Variants in ABAT observed in about 807,000 individuals in gnomAD.
The protein encoded by ABAT is 4-aminobutyrate aminotransferase.
A neutral mutation model predicts 64.6 loss-of-function variants in ABAT; 45 were observed. The observed-to-expected ratio is 0.70, with a 90% confidence interval of 0.55 to 0.89. ABAT has a LOEUF of 0.89. ABAT is among the 40% of genes least tolerant of loss of function. The probability of loss-of-function intolerance (pLI) is 0.00; values close to 1 mark genes in which losing one functional copy is unlikely to be tolerated. For synonymous variants in ABAT, 297 were observed against 250.5 expected, an observed-to-expected ratio of 1.19 and a Z score of -1.75; for missense variants, 633 against 658.4, an observed-to-expected ratio of 0.96 and a Z score of 0.42.
At chr16:8,694,486 G>T (rs112748634) in intron 1 of ABAT, among the ~76,000 whole-genome samples, 2 of 151,792 alleles carry the variant, frequency 1.3e-5, no homozygotes, top group Non-Finnish European at 2.9e-5. Context: ...GAGCTCCTGG[G>T]CTTAAGCAAT....
intron 2 of ABAT, among the ~76,000 whole-genome samples, chr16:8,744,977 G>A (rs904239733): frequency 6.6e-5 from 10 of 152,018 alleles, no homozygotes; most frequent in African/African-American, 2.4e-4. Flanking sequence ...CATGTAGGTT[G>A]TTTTCCCTTT....
At chr16:8,724,966 G>C (rs539004556) in intron 1 of ABAT, among the ~76,000 whole-genome samples, 1 of 150,550 alleles carries the variant, frequency 6.6e-6, no homozygotes, top group South Asian at 2.1e-4. Flanking sequence ...GCCCAGGCTG[G>C]AGTGCAGTGG....
rs2060258148 is a variant in ABAT, at chr16:8,776,158, T to C, written c.1123-186T>C. Among the ~76,000 whole-genome samples the C allele has an allele frequency of 6.6e-6, 1 of 152,102 alleles. No homozygotes were observed. Among genetic ancestry groups the C allele is most frequent in the Admixed American group, 6.5e-5 (1 of 15,272 alleles). On this transcript the variant is annotated intron_variant, in intron 13 of 15. Transcript: ENST00000268251. The surrounding 1 kb of genome is among the most constrained non-coding windows in gnomAD (Gnocchi z 4.4). ...AAGAATTCAGCAAGATTGGGTGTGT[T>C]CTCCTGCTAGCCTCTGGTAGAGAAG...
chr16:8,778,237 T>C (rs2060323564), intron 14 of ABAT, among the ~76,000 whole-genome samples: 1 of 152,202 alleles, frequency 6.6e-6, no homozygotes, highest in African/African-American at 2.4e-5. Flanking sequence ...CTGTGTGGGT[T>C]AAAACAAGAA....
Position 8,779,636 on chromosome 16 carries a change from C to T in ABAT, c.1381+46C>T, listed in dbSNP as rs1079349. On this transcript the variant is annotated intron_variant, in intron 15 of 15. Transcript: ENST00000268251. ...GCTGAGTTTCATGAGCATCCAGTAT[C>T]TCCTGCTGTAGCTGCCACATGTTGC... 642,932 of 1,497,960 alleles carry T rather than the reference C, an allele frequency of 0.43. 142,516 individuals carry two copies. The highest frequency in any genetic ancestry group is 0.6 in the African/African-American group (43,436 of 72,794). The allele number at this position is 1,497,960 out of a possible 1,614,324, so 92.8% of individuals were successfully genotyped here. A position where few individuals can be genotyped will look rare whatever the true frequency, so the allele number is the denominator to read the frequency against.
intron 1 of ABAT, among the ~76,000 whole-genome samples, chr16:8,730,633 C>G (rs940471279): frequency 1.3e-5 from 2 of 152,142 alleles, no homozygotes; most frequent in Admixed American, 6.6e-5. Flanking sequence ...GTGGGAGAAG[C>G]CTCTTGGTCT....
intron 1 of ABAT, among the ~76,000 whole-genome samples, chr16:8,717,947 C>G (rs1156531018): frequency 6.6e-6 from 1 of 151,998 alleles, no homozygotes; most frequent in African/African-American, 2.4e-5. Context: ...GGTCCCAGGT[C>G]ACCTCTTCTC....
intron 5 of ABAT, 105 bp from the exon 6 acceptor site, chr16:8,757,650 AAG>A: frequency 7.8e-7 from 1 of 1,285,806 alleles, no homozygotes; most frequent in Non-Finnish European, 1.1e-6. Flanking sequence ...TTGGTTTTTA[AAG>A]AGAGTTGGGG....
intron 1 of ABAT, among the ~76,000 whole-genome samples, chr16:8,684,332 A>C (rs1013053052): frequency 6.6e-6 from 1 of 152,100 alleles, no homozygotes; most frequent in Non-Finnish European, 1.5e-5. Context: ...CAGCGCTTTG[A>C]GAGGCCGAGG....
At chr16:8,755,314 G>A (rs2059618975) in intron 5 of ABAT, among the ~76,000 whole-genome samples, 1 of 152,156 alleles carries the variant, frequency 6.6e-6, no homozygotes, top group South Asian at 2.1e-4. Context: ...CATCACCATG[G>A]ACAGGGGACT....
chr16:8,690,283 C>T (rs982247292), intron 1 of ABAT, among the ~76,000 whole-genome samples: 1 of 152,140 alleles, frequency 6.6e-6, no homozygotes, highest in African/African-American at 2.4e-5. Context: ...TTAAGGTGGA[C>T]CTGGTGCCAG....
At chr16:8,751,654 TCTC>T (rs2059488812) in intron 5 of ABAT, among the ~76,000 whole-genome samples, 1 of 152,000 alleles carries the variant, frequency 6.6e-6, no homozygotes, top group South Asian at 2.1e-4. Context: ...ACTCGTATAA[TCTC>T]CTCGGAAAAG....
intron 2 of ABAT, among the ~76,000 whole-genome samples, chr16:8,740,436 G>A (rs2059131505): frequency 6.6e-6 from 1 of 152,136 alleles, no homozygotes; most frequent in South Asian, 2.1e-4. Context: ...CACTTACGGG[G>A]TTGTGGCTGG....
chr16:8,755,341 G>C (rs2059619596), intron 5 of ABAT, among the ~76,000 whole-genome samples: 1 of 152,196 alleles, frequency 6.6e-6, no homozygotes, highest in Non-Finnish European at 1.5e-5. Context: ...AGGAGGCAGA[G>C]GTGGGAATGA....
chr16:8,675,633 C>A (rs1396764985), intron 1 of ABAT, among the ~76,000 whole-genome samples: 1 of 152,144 alleles, frequency 6.6e-6, no homozygotes, highest in Non-Finnish European at 1.5e-5. Context: ...GGGGGTTCAG[C>A]GAGATTTAGT....
intron 2 of ABAT, 48 bp downstream of exon 2, chr16:8,735,857 A>AT: frequency 6.6e-7 from 1 of 1,524,776 alleles, no homozygotes; most frequent in Non-Finnish European, 8.9e-7. Flanking sequence ...GGAAGATACC[A>AT]TCCAGACTAG....
intron 5 of ABAT, among the ~76,000 whole-genome samples, chr16:8,752,729 T>G (rs1383033887): frequency 6.6e-6 from 1 of 152,172 alleles, no homozygotes; most frequent in Non-Finnish European, 1.5e-5. Context: ...ATCACTCCAC[T>G]GCACTCCAGC....
intron 1 of ABAT, among the ~76,000 whole-genome samples, chr16:8,698,197 G>T (rs745832765): frequency 6.6e-5 from 10 of 152,152 alleles, no homozygotes; most frequent in Non-Finnish European, 1.5e-4. Context: ...TTTGCCTGCT[G>T]CCGGAGGAGT....
intron 1 of ABAT, among the ~76,000 whole-genome samples, chr16:8,698,065 T>C (rs541486906): frequency 7.2e-5 from 11 of 152,298 alleles, no homozygotes; most frequent in African/African-American, 2.6e-4. Context: ...CGCAAAAAAA[T>C]TGTCACAAAC....
Sources: allele counts gnomAD v4.1 joint callset (sites outside exome capture counted in the v4.1 genomes callset), GRCh38; gene constraint gnomAD v4.1.1; non-coding constraint Gnocchi (gnomAD v3.1); transcripts MANE v1.5; gene names NCBI Gene and HGNC (gene_info 2026-07-23, HGNC 2026-07-21).